The following IQGAP2 variants were observed in gnomAD, a reference collection of about 807,000 sequenced individuals.
The protein encoded by IQGAP2 is IQ motif containing GTPase activating protein 2, also known as ras GTPase-activating-like protein IQGAP2.
IQGAP2 carries 173 observed loss-of-function variants against 201.3 expected under a neutral mutation model. The observed-to-expected ratio is 0.86, with a 90% CI of 0.76 to 0.98. The LOEUF is 0.98. IQGAP2 is among the 50% of genes least tolerant of loss of function. IQGAP2 has a pLI of 0.00. For missense variants in IQGAP2, 1,687 were observed against 1,864.8 expected, an observed-to-expected ratio of 0.90 and a Z score of 1.76; for synonymous variants, 675 against 673.9, an observed-to-expected ratio of 1.00 and a Z score of -0.03.
chr5:76,589,637 A>T lies in IQGAP2; in HGVS notation c.549A>T (p.Arg183Ser), dbSNP rs1333050147. The T allele has an allele frequency of 1.2e-6, 2 of 1,600,962 alleles. No homozygotes were observed. Among genetic ancestry groups the T allele is most frequent in the Admixed American group, 3.4e-5 (2 of 58,906 alleles). ...DFTEEEISNM[R>S]KELEKYGIQM... ...TAGAGGAGGAAATCAGTAATATGAG[A>T]AAAGAACTTGAGAAATATGGAATAC... The change falls in exon 7 of 36, where the codon AGA becomes AGT. Residue 183 changes from arginine to serine, a missense_variant. Physicochemically the swap from Arg to Ser is moderately radical, Grantham distance 110 (BLOSUM62 -1). Coordinates refer to ENST00000274364, the MANE Select transcript of IQGAP2 (RefSeq NM_006633.5).
At chr5:76,544,316 T>A (rs1742963637) in intron 2 of IQGAP2, among the ~76,000 whole-genome samples, 1 of 152,106 alleles carries the variant, frequency 6.6e-6, no homozygotes, top group Non-Finnish European at 1.5e-5. Context: ...CCACGATGGT[T>A]CACAAGAGAG....
chr5:76,505,178 C>T (rs1462320795), intron 2 of IQGAP2, among the ~76,000 whole-genome samples: 1 of 152,066 alleles, frequency 6.6e-6, no homozygotes, highest in African/African-American at 2.4e-5. Flanking sequence ...TGCTCAGTGC[C>T]TAGGGCAGAC....
At chr5:76,463,622 A>G (rs1353526502) in intron 2 of IQGAP2, among the ~76,000 whole-genome samples, 1 of 152,156 alleles carries the variant, frequency 6.6e-6, no homozygotes, top group East Asian at 1.9e-4. Flanking sequence ...CTTCTCTAGT[A>G]TTTTTGAAAT....
Position 76,622,390 on chromosome 5 carries a change from A to G in IQGAP2, c.1522-5020A>G, listed in dbSNP as rs147336838. On this transcript the variant is annotated intron_variant, in intron 13 of 35. Transcript: ENST00000274364. Reference sequence around the variant, plus strand: ...GCTCAGGGATTCCAAATGTGAATTTAAGCAATGTTCCTTTAGAAAGCATTG... The same window carrying G: ...GCTCAGGGATTCCAAATGTGAATTTGAGCAATGTTCCTTTAGAAAGCATTG... Among the ~76,000 whole-genome samples, 7 of 152,350 alleles carry G rather than the reference A, an allele frequency of 4.6e-5. No individual in the cohort carries two copies. The East Asian group carries it at 1.3e-3, about 29-fold the overall frequency.
At chr5:76,551,003 C>T (rs1342213887) in intron 2 of IQGAP2, among the ~76,000 whole-genome samples, 6 of 151,026 alleles carry the variant, frequency 4.0e-5, no homozygotes, top group South Asian at 2.1e-4. Context: ...ACCTCCCTCC[C>T]GGACGGGGGT....
Position 76,707,417 on chromosome 5 carries a change from T to G in IQGAP2, c.*104T>G. On this transcript the variant is annotated 3_prime_UTR_variant, in exon 36 of 36. Coordinates refer to ENST00000274364, the MANE Select transcript of IQGAP2 (RefSeq NM_006633.5). Reference sequence around the variant, plus strand: ...TGATTGAAATCACTGCTTATAAATGTGTGATTTTTTTAAAACGACCAAAAC... The same window carrying G: ...TGATTGAAATCACTGCTTATAAATGGGTGATTTTTTTAAAACGACCAAAAC... 1 of 670,930 alleles carries G rather than the reference T, an allele frequency of 1.5e-6. No individual in the cohort carries two copies. 41.6% of individuals were successfully genotyped at this position (670,930 alleles called of 1,614,324 possible).
chr5:76,580,910 T>G (rs1308251545), intron 5 of IQGAP2, among the ~76,000 whole-genome samples: 1 of 152,240 alleles, frequency 6.6e-6, no homozygotes, highest in Admixed American at 6.5e-5. Context: ...GCTTACTGGA[T>G]TCTGCTTTTC....
chr5:76,408,331 G>A (rs1340781950), intron 1 of IQGAP2, among the ~76,000 whole-genome samples: 2 of 152,216 alleles, frequency 1.3e-5, no homozygotes, highest in Non-Finnish European at 2.9e-5. Flanking sequence ...CATACCAAGG[G>A]CTAGGTGCTT....
intron 2 of IQGAP2, among the ~76,000 whole-genome samples, chr5:76,501,638 C>CTTTTATTTTT (rs1432659462): frequency 4.0e-5 from 1 of 25,004 alleles, no homozygotes. Context: ...TTTCTTTTTC[C>CTTTTATTTTT]TTTTCTTTTT....
chr5:76,434,607 T>C (rs1359192851), intron 1 of IQGAP2, among the ~76,000 whole-genome samples: 2 of 152,316 alleles, frequency 1.3e-5, no homozygotes, highest in Admixed American at 1.3e-4. Flanking sequence ...AATGGGCACT[T>C]AGATTGGTCC....
At position 76,658,648 on chromosome 5, in the gene IQGAP2, A is replaced by G. The variant is rs769572270; in HGVS notation, c.2510A>G (p.Lys837Arg). ...GACATCAAGATTGGACTGCTGGTGAAGAACAGGATCACACTAGAGGTCAGT... is the reference window on the plus strand; with the variant it reads ...GACATCAAGATTGGACTGCTGGTGAGGAACAGGATCACACTAGAGGTCAGT... ...LMDIKIGLLV[K>R]NRITLEDVIS... The change falls in exon 21 of 36, where the codon AAG becomes AGG. Residue 837 changes from lysine to arginine, a missense_variant. Lys to Arg is a conservative substitution (Grantham distance 26). Coordinates refer to ENST00000274364, the MANE Select transcript of IQGAP2 (RefSeq NM_006633.5). 3 of 1,613,848 alleles carry G rather than the reference A, an allele frequency of 1.9e-6. No homozygotes were observed. The highest frequency in any genetic ancestry group is 1.1e-5 in the South Asian group (1 of 90,958).
At chr5:76,692,395 G>A (rs144632614) in intron 30 of IQGAP2, among the ~76,000 whole-genome samples, 5 of 152,224 alleles carry the variant, frequency 3.3e-5, no homozygotes, top group African/African-American at 9.6e-5. Flanking sequence ...CAGGTGATCC[G>A]CCCACCTCGG....
At chr5:76,415,771 G>A (rs1469833310) in intron 1 of IQGAP2, among the ~76,000 whole-genome samples, 1 of 152,122 alleles carries the variant, frequency 6.6e-6, no homozygotes, top group Non-Finnish European at 1.5e-5. Context: ...GTGAAACCCT[G>A]TCTCTATTAA....
chr5:76,641,415 G>A (rs528739378), intron 17 of IQGAP2, among the ~76,000 whole-genome samples: 21 of 152,228 alleles, frequency 1.4e-4, no homozygotes, highest in Admixed American at 3.3e-4. Context: ...ACCTGACTTG[G>A]GGACTTTACA....
chr5:76,703,206 A>C (rs1055581065), intron 35 of IQGAP2, among the ~76,000 whole-genome samples: 6 of 152,166 alleles, frequency 3.9e-5, no homozygotes, highest in Admixed American at 6.5e-5. Flanking sequence ...CCCAGGCTGG[A>C]ATACAGTGGC....
chr5:76,423,599 C>T (rs1429133324), intron 1 of IQGAP2, among the ~76,000 whole-genome samples: 1 of 152,078 alleles, frequency 6.6e-6, no homozygotes, highest in Admixed American at 6.5e-5. Context: ...CTAGCCTGGG[C>T]GATAGAGCAA....
intron 19 of IQGAP2, 81 bp from the exon 20 acceptor site, chr5:76,654,853 C>G: frequency 1.2e-6 from 1 of 836,164 alleles, no homozygotes. Flanking sequence ...TAAATACTGA[C>G]AGTTCTTAAA....
At chr5:76,640,608 G>A (rs975203482) in intron 16 of IQGAP2, among the ~76,000 whole-genome samples, 13 of 152,202 alleles carry the variant, frequency 8.5e-5, no homozygotes, top group Admixed American at 3.9e-4. Context: ...TTTACAGCAA[G>A]CATCCTTGTC....
chr5:76,407,455 A>C (rs975779791), intron 1 of IQGAP2, among the ~76,000 whole-genome samples: 5 of 152,224 alleles, frequency 3.3e-5, no homozygotes, highest in African/African-American at 1.2e-4. Flanking sequence ...AGGTGATTGA[A>C]TAAGTCGGTA....
Sources: gnomAD v4.1 joint callset for allele counts (sites outside exome capture counted in the v4.1 genomes callset) on GRCh38, gnomAD v4.1.1 for gene constraint, MANE v1.5 for transcripts, NCBI Gene and HGNC (gene_info 2026-07-23, HGNC 2026-07-21) for gene names.